Variants in GLS observed in about 807,000 individuals in gnomAD.
GLS encodes glutaminase kidney isoform, mitochondrial.
A neutral mutation model predicts 86.7 loss-of-function variants in GLS; 36 were observed. The ratio of observed to expected loss-of-function variants is 0.42; its 90% CI spans 0.32 to 0.55. The LOEUF (loss-of-function observed/expected upper bound fraction) is 0.55, where lower values mean the gene tolerates loss of function less well. GLS is among the 20% of genes least tolerant of loss of function. The pLI, the probability that GLS is intolerant of heterozygous loss-of-function variation, is 0.17. For missense variants in GLS, 528 were observed against 833.4 expected (o/e 0.63, Z 4.51); for synonymous variants, 317 against 305.9 (o/e 1.04, Z -0.38).
intron 7 of GLS, among the ~76,000 whole-genome samples, chr2:190,916,140 T>A (rs546105600): frequency 1.2e-4 from 18 of 152,228 alleles, no homozygotes; most frequent in Non-Finnish European, 1.6e-4. Flanking sequence ...GAACTAAAAA[T>A]CAATTACTGT....
chr2:190,890,352 ACT>A (rs1442728628), intron 1 of GLS, among the ~76,000 whole-genome samples: 1 of 151,564 alleles, frequency 6.6e-6, no homozygotes, highest in Non-Finnish European at 1.5e-5. Flanking sequence ...CTCTTCTAGG[ACT>A]CTCTTTTATC....
rs1015989373 is a variant in GLS at position 190,956,481 on chromosome 2, A to T, written c.1853+1663A>T. Among the ~76,000 whole-genome samples the T allele has an allele frequency of 6.6e-6, 1 of 152,190 alleles. No homozygotes were observed. The highest frequency in any genetic ancestry group is 2.4e-5 in the African/African-American group (1 of 41,436). The stretch of plus-strand genomic sequence containing the variant: ...TCTGTGTATCTATTTTGGTATCAGT[A>T]CCATACTGTTTTGATTACTGTAGCC... On this transcript the variant is annotated intron_variant, in intron 17 of 17. Transcript: ENST00000320717. The surrounding 1 kb of genome is among the most constrained non-coding windows in gnomAD (Gnocchi z 4.2).
chr2:190,902,227 A>G (rs113576470), intron 5 of GLS, among the ~76,000 whole-genome samples: 23 of 152,268 alleles, frequency 1.5e-4, no homozygotes, highest in African/African-American at 5.3e-4. Context: ...TGAGACATCT[A>G]TTTTATTCAC....
intron 13 of GLS, among the ~76,000 whole-genome samples, chr2:190,931,339 AG>A (rs1198850541): frequency 1.3e-5 from 2 of 152,138 alleles, no homozygotes; most frequent in Non-Finnish European, 1.5e-5. Flanking sequence ...GCTGAGCCCT[AG>A]GATCATGTTA....
chr2:190,937,311 C>T (rs1233753418), intron 14 of GLS, among the ~76,000 whole-genome samples: 2 of 151,120 alleles, frequency 1.3e-5, no homozygotes, highest in East Asian at 3.8e-4. Flanking sequence ...GGGGGAAGTT[C>T]TTTTATTTTA....
rs368943700 is a variant in GLS at position 190,883,118 on chromosome 2, CAG to C, written c.386+1649_386+1650del. ...CTCTTTTTTTTCCTCTTTTGTCAAA[CAG>C]GAAATTGAGCTTCTTCTGTGATTCA... On this transcript the variant is annotated intron_variant, in intron 1 of 17. Coordinates refer to ENST00000320717, the MANE Select transcript of GLS (RefSeq NM_014905.5). 7.6e-3 allele frequency among the ~76,000 whole-genome samples: 1,161 copies of C among 152,270 alleles called. 18 individuals carry two copies. The highest frequency in any genetic ancestry group is 0.027 in the African/African-American group (1,106 of 41,544).
At chr2:190,933,013 T>C (rs981633226) in intron 14 of GLS, 3 of 1,161,458 alleles carry the variant, frequency 2.6e-6, no homozygotes, top group Non-Finnish European at 3.2e-6. Flanking sequence ...TTTTAATCTT[T>C]GTATAAAGGC....
Position 190,899,326 on chromosome 2 carries a change from T to A in GLS, c.606-1238T>A, listed in dbSNP as rs1688860629. 2.0e-5 allele frequency among the ~76,000 whole-genome samples: 3 copies of A among 152,156 alleles called. No homozygotes were observed. In the South Asian group the frequency reaches 6.2e-4, roughly 31 times the overall value. On this transcript the variant is annotated intron_variant, in intron 3 of 17. Coordinates refer to ENST00000320717, the MANE Select transcript of GLS (RefSeq NM_014905.5). ...ATGGAAATTAGGACTGTAATTTTTT[T>A]AATGTTGTAATAGGGGGATCCTTAT...
At chr2:190,885,212 G>A (rs1287796700) in intron 1 of GLS, among the ~76,000 whole-genome samples, 2 of 150,874 alleles carry the variant, frequency 1.3e-5, no homozygotes, top group East Asian at 3.9e-4. Flanking sequence ...TTTTTTTTGA[G>A]ATGGAGTCTC....
Position 190,953,378 on chromosome 2 carries a change from C to A in GLS, c.1651-187C>A, listed in dbSNP as rs1215822262. ...TTATTATTGAATTTTCCCTCACAAT[C>A]CACTGTTAAAAGAAGAAAGTATCAC... On this transcript the variant is annotated intron_variant, in intron 14 of 17. Coordinates refer to ENST00000320717, the MANE Select transcript of GLS (RefSeq NM_014905.5). This position sits in a 1 kb window ranked among gnomAD's most constrained non-coding sequence, Gnocchi z 4.0. Among the ~76,000 whole-genome samples the A allele has an allele frequency of 6.6e-6, 1 of 152,170 alleles. No homozygotes were observed. Among genetic ancestry groups the A allele is most frequent in the Non-Finnish European group, 1.5e-5 (1 of 68,026 alleles).
intron 17 of GLS, among the ~76,000 whole-genome samples, chr2:190,958,427 G>T (rs1056670140): frequency 2.6e-5 from 4 of 152,058 alleles, no homozygotes; most frequent in Admixed American, 6.6e-5. Context: ...GTCTCCTTCA[G>T]TTCTGCTCTT....
chr2:190,934,984 G>A (rs763561031), intron 14 of GLS: 6 of 960,636 alleles, frequency 6.2e-6, no homozygotes, highest in Non-Finnish European at 7.4e-6. Flanking sequence ...CAAAGTTCTT[G>A]ATAGTACCCA....
chr2:190,913,442 C>A lies in GLS; in HGVS notation c.1038+3121C>A. The A allele has an allele frequency of 1.1e-6, 1 of 891,220 alleles. No individual in the cohort carries two copies. Among genetic ancestry groups the A allele is most frequent in the South Asian group, 3.4e-5 (1 of 29,474 alleles). 55.2% of individuals were successfully genotyped at this position (891,220 alleles called of 1,614,324 possible). The stretch of plus-strand genomic sequence containing the variant: ...TTTTAAAAATCATAAGGGTATTATA[C>A]TTCCTCTCTTTTTCTCTGTGGTAGC... On this transcript the variant is annotated intron_variant, in intron 7 of 17. Coordinates refer to ENST00000320717, the MANE Select transcript of GLS (RefSeq NM_014905.5). The surrounding 1 kb of genome is among the most constrained non-coding windows in gnomAD (Gnocchi z 6.1).
chr2:190,913,485 T>C lies in GLS; in HGVS notation c.1038+3164T>C. ...GTGGTAGCTACTAACTTTAAAGGAA[T>C]ACTTTTTGTTGTAATCTGTTTTATT... On this transcript the variant is annotated intron_variant, in intron 7 of 17. Transcript: ENST00000320717. The surrounding 1 kb of genome is among the most constrained non-coding windows in gnomAD (Gnocchi z 6.1). 1.0e-6 allele frequency: 1 copy of C among 985,916 alleles called. No individual in the cohort carries two copies. Among genetic ancestry groups the C allele is most frequent in the Non-Finnish European group, 1.2e-6 (1 of 817,326 alleles). The allele number at this position is 985,916 out of a possible 1,614,324, so 61.1% of individuals were successfully genotyped here.
chr2:190,903,874 T>C lies in GLS; in HGVS notation c.816-1130T>C, dbSNP rs191299524. On this transcript the variant is annotated intron_variant, in intron 5 of 17. Transcript: ENST00000320717. Reference sequence around the variant, plus strand: ...CAGTTTCATTATGAATGACTTTCACTATGAATGAATGCTTTGTGATGTGTT... The same window carrying C: ...CAGTTTCATTATGAATGACTTTCACCATGAATGAATGCTTTGTGATGTGTT... Among the ~76,000 whole-genome samples, 70 of 152,322 alleles carry C rather than the reference T, an allele frequency of 4.6e-4. 1 individual carries two copies. The highest frequency in any genetic ancestry group is 2.1e-3 in the East Asian group (11 of 5,188).
intron 12 of GLS, among the ~76,000 whole-genome samples, chr2:190,928,460 G>A (rs942676621): frequency 6.6e-5 from 10 of 150,654 alleles, no homozygotes; most frequent in East Asian, 2.0e-4. Context: ...TCAGCCTCCC[G>A]AGTAGCTGGG....
chr2:190,915,164 T>C (rs1689486561), intron 7 of GLS, among the ~76,000 whole-genome samples: 1 of 151,668 alleles, frequency 6.6e-6, no homozygotes, highest in African/African-American at 2.4e-5. Context: ...CTAATTTTTT[T>C]TTTTTTTTTG....
Position 190,921,095 on chromosome 2 carries a change from T to C in GLS, c.1071+39T>C. 1 of 1,579,720 alleles carries C rather than the reference T, an allele frequency of 6.3e-7. No individual in the cohort carries two copies. Among genetic ancestry groups the C allele is most frequent in the Middle Eastern group, 1.7e-4 (1 of 5,988 alleles). On this transcript the variant is annotated intron_variant, in intron 8 of 17. Transcript: ENST00000320717. The surrounding 1 kb of genome is among the most constrained non-coding windows in gnomAD (Gnocchi z 4.2). ...GTCATTCAGTTTTCATGCCACATTC[T>C]CTATATATTTGTTTTTTGATTACTA...
Position 190,963,842 on chromosome 2 carries a change from A to T in GLS, c.*856A>T, listed in dbSNP as rs1691060296. The T allele has an allele frequency of 6.6e-6, 1 of 152,250 alleles. No individual in the cohort carries two copies. The highest frequency in any genetic ancestry group is 1.5e-5 in the Non-Finnish European group (1 of 68,042). The allele number at this position is 152,250 out of a possible 1,614,324, so 9.4% of individuals were successfully genotyped here. On this transcript the variant is annotated 3_prime_UTR_variant, in exon 18 of 18. Coordinates refer to ENST00000320717, the MANE Select transcript of GLS (RefSeq NM_014905.5). Reference sequence around the variant, plus strand: ...AACCAGAGACAAAATTACTAAGTATAAATTAGTCAAGTTTATCAGTCTAAA... The same window carrying T: ...AACCAGAGACAAAATTACTAAGTATTAATTAGTCAAGTTTATCAGTCTAAA...
Sources: allele counts gnomAD v4.1 joint callset (sites outside exome capture counted in the v4.1 genomes callset), GRCh38; gene constraint gnomAD v4.1.1; non-coding constraint Gnocchi (gnomAD v3.1); transcripts MANE v1.5; gene names NCBI Gene and HGNC (gene_info 2026-07-23, HGNC 2026-07-21).